The following ADAMTS17 variants were observed in gnomAD, a reference collection of about 807,000 sequenced individuals.
The protein encoded by ADAMTS17 is ADAM metallopeptidase with thrombospondin type 1 motif 17.
A neutral mutation model predicts 141.5 loss-of-function variants in ADAMTS17; 113 were observed. The observed-to-expected ratio is 0.80, with a 90% CI of 0.69 to 0.93. The LOEUF (loss-of-function observed/expected upper bound fraction) is 0.93. Ranked by LOEUF, ADAMTS17 falls within the 40% of genes least tolerant of loss-of-function variation. ADAMTS17 has a pLI of 0.00. For missense variants in ADAMTS17, 1,659 were observed against 1,517.9 expected (o/e 1.09, Z -1.54); for synonymous variants, 768 against 630.6 (o/e 1.22, Z -3.27).
At chr15:100,249,938 C>G (rs527857731) in intron 7 of ADAMTS17, among the ~76,000 whole-genome samples, 86 of 152,316 alleles carry the variant, frequency 5.6e-4, no homozygotes, top group African/African-American at 1.9e-3. Context: ...GAGGGCTGAT[C>G]GCCTTCTTCA....
chr15:100,076,745 T>C (rs764540593), intron 15 of ADAMTS17, among the ~76,000 whole-genome samples: 6 of 152,196 alleles, frequency 3.9e-5, no homozygotes, highest in Non-Finnish European at 7.4e-5. Context: ...CAAATACACT[T>C]GAGTATACTT....
chr15:100,304,151 C>T (rs978566262), intron 3 of ADAMTS17, among the ~76,000 whole-genome samples: 8 of 152,156 alleles, frequency 5.3e-5, no homozygotes, highest in Admixed American at 2.6e-4. Context: ...TATATCATCT[C>T]GAACCTCTCA....
At chr15:100,146,357 T>C (rs1460630749) in intron 10 of ADAMTS17, among the ~76,000 whole-genome samples, 1 of 152,220 alleles carries the variant, frequency 6.6e-6, no homozygotes, top group Admixed American at 6.5e-5. Flanking sequence ...TTTTATAATT[T>C]CTTATGCCTG....
rs71151927 is a variant in ADAMTS17 at position 99,977,349 on chromosome 15, CATATATATATATAT to C, written c.2950-1141_2950-1128del. ...GGTTCTGTTCTCCGTCCCTCCTCTT[CATATATATATATAT>C]ATATATATATATATATATATATATA... On this transcript the variant is annotated intron_variant, in intron 20 of 21. Coordinates refer to ENST00000268070, the MANE Select transcript of ADAMTS17 (RefSeq NM_139057.4). Among the ~76,000 whole-genome samples, 148 of 30,312 alleles carry C rather than the reference CATATATATATATAT, an allele frequency of 4.9e-3. 3 individuals carry two copies. Among genetic ancestry groups the C allele is most frequent in the Middle Eastern group, 0.031 (1 of 32 alleles). The allele number at this position is 30,312 out of a possible 152,430, so 19.9% of individuals were successfully genotyped here. A position where few individuals can be genotyped will look rare whatever the true frequency, so the allele number is the denominator to read the frequency against.
In ADAMTS17 at chr15:99,974,705, G is replaced by A. The variant is rs2060285202; in HGVS notation, c.3128-143C>T. The A allele has an allele frequency of 4.4e-6, 5 of 1,137,162 alleles. No homozygotes were observed. The African/African-American group carries it at 4.6e-5, about 10-fold the overall frequency. 70.4% of individuals were successfully genotyped at this position (1,137,162 alleles called of 1,614,324 possible). A position where few individuals can be genotyped will look rare whatever the true frequency, so the allele number is the denominator to read the frequency against. ...CAACCCTTTGCACTGATTAGGCCAT[G>A]CCTCCTGCCAGGGCACTGGGGGTGC... On this transcript the variant is annotated intron_variant, in intron 21 of 21. Coordinates refer to ENST00000268070, the MANE Select transcript of ADAMTS17 (RefSeq NM_139057.4).
intron 18 of ADAMTS17, among the ~76,000 whole-genome samples, chr15:100,026,047 C>T (rs1381666026): frequency 6.6e-6 from 1 of 152,132 alleles, no homozygotes; most frequent in East Asian, 1.9e-4. Flanking sequence ...ATTACCAGAA[C>T]CTCAGAAGGC....
At chr15:100,207,326 G>A (rs962616221) in intron 7 of ADAMTS17, among the ~76,000 whole-genome samples, 8 of 152,272 alleles carry the variant, frequency 5.3e-5, no homozygotes, top group Admixed American at 1.3e-4. Flanking sequence ...CTGGCACTGC[G>A]GAGTTCCAGC....
At chr15:100,177,672 T>C (rs2040383967) in intron 8 of ADAMTS17, among the ~76,000 whole-genome samples, 1 of 152,176 alleles carries the variant, frequency 6.6e-6, no homozygotes, top group Admixed American at 6.5e-5. Context: ...TTGGTTGATG[T>C]TTGGTTCTAT....
Position 100,341,126 on chromosome 15 carries a change from G to A in ADAMTS17, c.363C>T (p.Pro121=), listed in dbSNP as rs893666742. 2 of 1,442,980 alleles carry A rather than the reference G, an allele frequency of 1.4e-6. No individual in the cohort carries two copies. The highest frequency in any genetic ancestry group is 9.0e-7 in the Non-Finnish European group (1 of 1,106,888). 89.4% of individuals were successfully genotyped at this position (1,442,980 alleles called of 1,614,324 possible). The change falls in exon 2 of 22, where the codon CCC becomes CCT. Residue 121 remains proline, a synonymous_variant. Transcript: ENST00000268070. The part of the protein sequence containing the change: ...EAGAARRRGR[P]AELCFYSGRV... ...GGCCCGAGTAGAAGCACAGCTCGGC[G>A]GGGCGGCCGCGGCGCCGGGCCGCGC...
chr15:100,317,654 G>A (rs1000401275), intron 3 of ADAMTS17, among the ~76,000 whole-genome samples: 1 of 152,144 alleles, frequency 6.6e-6, no homozygotes, highest in Non-Finnish European at 1.5e-5. Context: ...ATTTTGGGGG[G>A]GACAACACTG....
In ADAMTS17 at chr15:99,973,838, A is replaced by G. The variant is rs2060262059; in HGVS notation, c.*564T>C. ...CCTAGGATTTAGAGACTATGTTCTC[A>G]GAGACGGGCATGGAGGCAACGTCCT... On this transcript the variant is annotated 3_prime_UTR_variant, in exon 22 of 22. Transcript: ENST00000268070. 5 of 186,530 alleles carry G rather than the reference A, an allele frequency of 2.7e-5. No homozygotes were observed. The highest frequency in any genetic ancestry group is 1.1e-4 in the Admixed American group (2 of 18,774). The allele number at this position is 186,530 out of a possible 1,614,324, so 11.6% of individuals were successfully genotyped here. A position where few individuals can be genotyped will look rare whatever the true frequency, so the allele number is the denominator to read the frequency against.
chr15:99,998,251 C>T (rs572700936), intron 18 of ADAMTS17, among the ~76,000 whole-genome samples: 48 of 152,274 alleles, frequency 3.2e-4, no homozygotes, highest in Non-Finnish European at 4.3e-4. Context: ...GAGAGTGGCA[C>T]GTTGTGGGCC....
chr15:100,142,194 A>T (rs111706212), intron 10 of ADAMTS17, among the ~76,000 whole-genome samples: 31 of 152,364 alleles, frequency 2.0e-4, no homozygotes, highest in African/African-American at 6.7e-4. Flanking sequence ...AATAACTGGC[A>T]TCAGAGGAAC....
intron 7 of ADAMTS17, among the ~76,000 whole-genome samples, chr15:100,246,825 A>G (rs138580469): frequency 0.012 from 1,754 of 152,098 alleles, 17 homozygotes; most frequent in Non-Finnish European, 0.017. Context: ...TTTGCCATCC[A>G]TGTATATGTA....
chr15:100,011,536 A>G (rs2061182118), intron 18 of ADAMTS17, among the ~76,000 whole-genome samples: 1 of 152,126 alleles, frequency 6.6e-6, no homozygotes, highest in African/African-American at 2.4e-5. Flanking sequence ...AAGTATTTCT[A>G]AAATAGATTC....
intron 8 of ADAMTS17, among the ~76,000 whole-genome samples, chr15:100,196,243 T>C (rs1456792971): frequency 2.0e-5 from 3 of 152,254 alleles, no homozygotes; most frequent in Non-Finnish European, 2.9e-5. Context: ...AATAAAGCCA[T>C]GCATACAAAG....
chr15:99,993,190 C>G lies in ADAMTS17; in HGVS notation c.2807G>C (p.Ser936Thr), dbSNP rs1270195323. 1 of 1,614,200 alleles carries G rather than the reference C, an allele frequency of 6.2e-7. No homozygotes were observed. Among genetic ancestry groups the G allele is most frequent in the East Asian group, 2.2e-5 (1 of 44,884 alleles). The change falls in exon 20 of 22, where the codon AGC becomes ACC. Residue 936 changes from serine to threonine, a missense_variant. By Grantham distance (58) the Ser-to-Thr change is moderately conservative. Transcript: ENST00000268070. This position sits in a 1 kb window ranked among gnomAD's most constrained non-coding sequence, Gnocchi z 4.3. ...CCGTTTCCACACCCCTTTACCACAG[C>G]TGGCAGAGCACTGCAAGACACCATT... ...EASEWSQCSA[S>T]CGKGVWKRTV...
chr15:99,976,108 G>C lies in ADAMTS17; in HGVS notation c.3064C>G (p.Gln1022Glu). Reference sequence around the variant, plus strand: ...TCGTTGCAGACCTCCTGGTAGCACTGTCTGTAGGGGGCAGGCTTCGAGAGG... The same window carrying C: ...TCGTTGCAGACCTCCTGGTAGCACTCTCTGTAGGGGGCAGGCTTCGAGAGG... The part of the protein sequence containing the change: ...PALSKPAPYR[Q>E]CYQEVCNDRI... Residue 1022 changes from glutamine (Q) to glutamate (E), a missense_variant, in exon 21 of 22, where the codon CAG becomes GAG. Gln to Glu is a conservative substitution (Grantham distance 29). Transcript: ENST00000268070. The C allele has an allele frequency of 6.4e-7, 1 of 1,551,624 alleles. No homozygotes were observed. The highest frequency in any genetic ancestry group is 8.7e-7 in the Non-Finnish European group (1 of 1,147,000).
In ADAMTS17 at chr15:100,341,334, G is replaced by C. The variant is rs2046360283; in HGVS notation, c.155C>G (p.Pro52Arg). The part of the protein sequence containing the change: ...RVRPDDVHLP[P>R]LPAAPGPRRR... ...TCGGGGCCCGGGGGCTGCGGGCAGC[G>C]GCGGCAGGTGCACGTCGTCGGGGCG... The change falls in exon 2 of 22, where the codon CCG becomes CGG. Residue 52 changes from proline (P) to arginine (R), a missense_variant. Transcript: ENST00000268070. 9.8e-7 allele frequency: 1 copy of C among 1,023,420 alleles called. No individual in the cohort carries two copies. Among genetic ancestry groups the C allele is most frequent in the East Asian group, 9.5e-5 (1 of 10,534 alleles). The allele number at this position is 1,023,420 out of a possible 1,614,324, so 63.4% of individuals were successfully genotyped here.
Sources: gnomAD v4.1 joint callset for allele counts (sites outside exome capture counted in the v4.1 genomes callset) on GRCh38, gnomAD v4.1.1 for gene constraint, Gnocchi (gnomAD v3.1) non-coding constraint, MANE v1.5 for transcripts, NCBI Gene and HGNC (gene_info 2026-07-23, HGNC 2026-07-21) for gene names.